ELF5: variants seen among roughly 807,000 people sequenced by gnomAD.
ELF5 encodes ETS-related transcription factor Elf-5.
Under a neutral mutation model 38.2 loss-of-function variants are expected in ELF5, and 31 were observed. The observed-to-expected ratio is 0.81, with a 90% confidence interval of 0.61 to 1.10. The LOEUF (loss-of-function observed/expected upper bound fraction) is 1.10. Ranked by LOEUF, ELF5 falls within the 50% of genes least tolerant of loss-of-function variation. The probability of loss-of-function intolerance (pLI) is 0.00; values close to 1 mark genes in which losing one functional copy is unlikely to be tolerated. For synonymous variants in ELF5, 121 were observed against 112.5 expected, an observed-to-expected ratio of 1.08 and a Z score of -0.48; for missense variants, 300 against 306.6, an observed-to-expected ratio of 0.98 and a Z score of 0.16.
At chr11:34,484,472 CACTATACTAACTAT>C (rs757567350) in intron 4 of ELF5, among the ~76,000 whole-genome samples, 3,562 of 93,054 alleles carry the variant, frequency 0.038, 53 homozygotes, top group Middle Eastern at 0.063. Flanking sequence ...TACTGTGCTA[CACTATACTAACTAT>C]ACTATACTAT....
At chr11:34,483,311 C>T (rs895144364) in intron 4 of ELF5, among the ~76,000 whole-genome samples, 18 of 151,940 alleles carry the variant, frequency 1.2e-4, no homozygotes, top group African/African-American at 4.1e-4. Flanking sequence ...ATAGAATATT[C>T]GAGCATATTC....
chr11:34,489,981 C>T (rs1260162953), intron 4 of ELF5, 28 bp downstream of exon 4: 2 of 1,613,500 alleles, frequency 1.2e-6, no homozygotes, highest in Non-Finnish European at 1.7e-6. Flanking sequence ...TTGACAGAGC[C>T]TTGGGTGGCT....
At chr11:34,512,470 A>G (rs1850784283) in intron 1 of ELF5, among the ~76,000 whole-genome samples, 1 of 152,182 alleles carries the variant, frequency 6.6e-6, no homozygotes, top group South Asian at 2.1e-4. Context: ...AACGTGGGGC[A>G]CATTTCTTAC....
chr11:34,485,089 A>G (rs1447786199), intron 4 of ELF5, among the ~76,000 whole-genome samples: 1 of 152,214 alleles, frequency 6.6e-6, no homozygotes, highest in Non-Finnish European at 1.5e-5. Flanking sequence ...AGTGCTTGGT[A>G]AGGGCTTCAC....
chr11:34,512,627 G>A (rs1371190482), intron 1 of ELF5, among the ~76,000 whole-genome samples: 1 of 150,592 alleles, frequency 6.6e-6, no homozygotes, highest in African/African-American at 2.5e-5. Context: ...TGCAAAGGAC[G>A]GGGCATAATA....
chr11:34,502,618 C>T (rs748733143), intron 2 of ELF5, among the ~76,000 whole-genome samples: 3 of 152,266 alleles, frequency 2.0e-5, no homozygotes, highest in Non-Finnish European at 4.4e-5. Flanking sequence ...TCACACCCAA[C>T]TTCGACCTTT....
intron 4 of ELF5, among the ~76,000 whole-genome samples, chr11:34,487,763 A>C (rs567642719): frequency 6.7e-4 from 102 of 152,228 alleles, no homozygotes; most frequent in Non-Finnish European, 1.1e-3. Context: ...GCTCAGTAGA[A>C]TCTGAGCGGT....
intron 3 of ELF5, 46 bp from the exon 4 acceptor site, chr11:34,490,105 T>C (rs769709171): frequency 7.5e-6 from 12 of 1,605,990 alleles, no homozygotes; most frequent in Non-Finnish European, 1.0e-5. Flanking sequence ...GCAATCCTGG[T>C]TTCCACTGGC....
At chr11:34,499,768 C>T (rs1850412414) in intron 2 of ELF5, among the ~76,000 whole-genome samples, 2 of 152,090 alleles carry the variant, frequency 1.3e-5, no homozygotes, top group African/African-American at 4.8e-5. Context: ...AGCCAATGAG[C>T]CTGTTGGAGT....
intron 4 of ELF5, among the ~76,000 whole-genome samples, chr11:34,485,836 T>C (rs1374769641): frequency 6.6e-6 from 1 of 152,102 alleles, no homozygotes; most frequent in Non-Finnish European, 1.5e-5. Flanking sequence ...CCACCAGCGC[T>C]GGGTGGTGGA....
In ELF5 at chr11:34,480,938, C is replaced by G. The variant is rs770217443; in HGVS notation, c.505G>C (p.Val169Leu). 2.5e-6 allele frequency: 4 copies of G among 1,613,852 alleles called. No individual in the cohort carries two copies. Among genetic ancestry groups the G allele is most frequent in the Non-Finnish European group, 3.4e-6 (4 of 1,179,934 alleles). Residue 169 changes from valine to leucine, a missense_variant, in exon 6 of 7, where the codon GTA becomes CTA. By Grantham distance (32) the Val-to-Leu change is conservative. Transcript: ENST00000257832. Reference sequence around the variant, plus strand: ...TCAGGAGATAGAAGCAGGTCTCGTACAAATTCCCATAGATGAGAACTTTGG... The same window carrying G: ...TCAGGAGATAGAAGCAGGTCTCGTAGAAATTCCCATAGATGAGAACTTTGG... ...SLQSSHLWEF[V>L]RDLLLSPEEN... is the part of the protein sequence containing the mutation.
At chr11:34,486,421 C>A (rs905919386) in intron 4 of ELF5, among the ~76,000 whole-genome samples, 1 of 152,288 alleles carries the variant, frequency 6.6e-6, no homozygotes, top group Middle Eastern at 3.4e-3. Context: ...TGGGCACCTT[C>A]AGTGGGCACT....
chr11:34,482,294 ACTGATTTCTTTACTACCTTCCTT>A, intron 5 of ELF5, 114 bp downstream of exon 5: 1 of 770,614 alleles, frequency 1.3e-6, no homozygotes, highest in Non-Finnish European at 2.2e-6. Flanking sequence ...AAAAGCAATC[ACTGATTTCTTTACTACCTTCCTT>A]GGGGAGTAAC....
At chr11:34,498,435 T>C (rs1341079928) in intron 2 of ELF5, among the ~76,000 whole-genome samples, 2 of 152,198 alleles carry the variant, frequency 1.3e-5, no homozygotes, top group Non-Finnish European at 1.5e-5. Context: ...ATAGGAGTTA[T>C]ATTAGAAACC....
intron 1 of ELF5, chr11:34,511,528 A>G (rs369618320): frequency 6.2e-7 from 1 of 1,614,116 alleles, no homozygotes; most frequent in African/African-American, 1.3e-5. Flanking sequence ...CACATGAGAA[A>G]GTTGGCTGCA....
intron 5 of ELF5, among the ~76,000 whole-genome samples, chr11:34,482,142 G>T (rs577720063): frequency 6.6e-6 from 1 of 152,154 alleles, no homozygotes; most frequent in Non-Finnish European, 1.5e-5. Context: ...TCACAACTAC[G>T]ATCATGTCTT....
intron 2 of ELF5, among the ~76,000 whole-genome samples, chr11:34,497,362 T>G (rs1464733611): frequency 1.3e-5 from 2 of 152,210 alleles, no homozygotes; most frequent in Non-Finnish European, 2.9e-5. Flanking sequence ...TGAATGCCCA[T>G]AGGTCACTAT....
chr11:34,504,593 G>A (rs1484259430), intron 2 of ELF5, among the ~76,000 whole-genome samples: 3 of 152,186 alleles, frequency 2.0e-5, no homozygotes, highest in South Asian at 2.1e-4. Flanking sequence ...GCCTGCCTCC[G>A]GACACTGAGT....
chr11:34,490,792 C>T (rs554570633), intron 3 of ELF5, among the ~76,000 whole-genome samples: 3 of 152,262 alleles, frequency 2.0e-5, no homozygotes, highest in African/African-American at 7.2e-5. Flanking sequence ...CAGACTGGAG[C>T]AGGGCACAGT....
Sources: allele counts gnomAD v4.1 joint callset (sites outside exome capture counted in the v4.1 genomes callset), GRCh38; gene constraint gnomAD v4.1.1; transcripts MANE v1.5; gene names NCBI Gene and HGNC (gene_info 2026-07-23, HGNC 2026-07-21).